Variants in NIPAL3 observed in about 807,000 individuals in gnomAD.
The protein encoded by NIPAL3 is NIPA-like protein 3.
A neutral mutation model predicts 47.2 loss-of-function variants in NIPAL3; 41 were observed. That is an observed-to-expected ratio of 0.87 (90% confidence interval 0.68 to 1.13). The LOEUF is 1.13. NIPAL3 is among the 50% of genes most tolerant of loss of function. The pLI is 0.00. For missense variants in NIPAL3, 449 were observed against 530.1 expected (o/e 0.85, Z 1.50); for synonymous variants, 194 against 209.6 (o/e 0.93, Z 0.64).
intron 2 of NIPAL3, among the ~76,000 whole-genome samples, chr1:24,428,303 A>AGAGAGG (rs1553133165): frequency 1.4e-5 from 2 of 139,488 alleles, no homozygotes; most frequent in Non-Finnish European, 3.2e-5. Context: ...AGAGAGAGAG[A>AGAGAGG]CACCAGAACC....
At chr1:24,428,497 C>G (rs1206107460) in intron 2 of NIPAL3, among the ~76,000 whole-genome samples, 1 of 152,160 alleles carries the variant, frequency 6.6e-6, no homozygotes, top group Non-Finnish European at 1.5e-5. Flanking sequence ...TGAGAAGAAT[C>G]TCAACAGACA....
intron 2 of NIPAL3, among the ~76,000 whole-genome samples, chr1:24,428,302 G>GAGAGAGAC (rs1242337378): frequency 7.1e-6 from 1 of 141,504 alleles, no homozygotes; most frequent in Admixed American, 7.1e-5. Context: ...GAGAGAGAGA[G>GAGAGAGAC]ACACCAGAAC....
Position 24,451,536 on chromosome 1 carries a change from GAA to G in NIPAL3, c.541-1863_541-1862del, listed in dbSNP as rs990849564. 6.8e-6 allele frequency among the ~76,000 whole-genome samples: 1 copy of G among 147,360 alleles called. No individual in the cohort carries two copies. Among genetic ancestry groups the G allele is most frequent in the Non-Finnish European group, 1.5e-5 (1 of 66,494 alleles). ...TGTGGCAAAACCCCGTCTCTATTTG[GAA>G]AAAAAAAAGTAAAAATTAGCCAGGT... On this transcript the variant is annotated intron_variant, in intron 6 of 11. Transcript: ENST00000374399. This position sits in a 1 kb window ranked among gnomAD's most constrained non-coding sequence, Gnocchi z 4.5.
intron 7 of NIPAL3, among the ~76,000 whole-genome samples, chr1:24,455,400 C>T (rs1281132270): frequency 6.6e-6 from 1 of 152,224 alleles, no homozygotes; most frequent in African/African-American, 2.4e-5. Context: ...AATTTTATAA[C>T]ATGCCTACCA....
chr1:24,426,504 AG>A (rs2148763087), intron 2 of NIPAL3, among the ~76,000 whole-genome samples: 1 of 152,154 alleles, frequency 6.6e-6, no homozygotes, highest in East Asian at 1.9e-4. Flanking sequence ...CATGTTGACC[AG>A]GCTGATCTTG....
intron 8 of NIPAL3, among the ~76,000 whole-genome samples, chr1:24,456,694 G>C (rs575268016): frequency 6.6e-6 from 1 of 152,314 alleles, no homozygotes; most frequent in Non-Finnish European, 1.5e-5. Context: ...AAAAAAGAAA[G>C]AAATACGAAG....
In NIPAL3 at chr1:24,466,794, CTG is replaced by C. The variant is rs1646716664; in HGVS notation, c.1022-2191_1022-2190del. The stretch of plus-strand genomic sequence containing the variant: ...AGGCCTGTTAAGCCAGCTCTCTTCC[CTG>C]AGAACGGGCACCTCCTCAGCTCTTC... On this transcript the variant is annotated intron_variant, in intron 11 of 11. Coordinates refer to ENST00000374399, the MANE Select transcript of NIPAL3 (RefSeq NM_020448.5). Among the ~76,000 whole-genome samples, 3 of 152,316 alleles carry C rather than the reference CTG, an allele frequency of 2.0e-5. No individual in the cohort carries two copies. In the East Asian group the frequency reaches 5.8e-4, roughly 29 times the overall value.
chr1:24,459,628 G>A (rs1646378434), intron 9 of NIPAL3, among the ~76,000 whole-genome samples: 1 of 152,222 alleles, frequency 6.6e-6, no homozygotes, highest in South Asian at 2.1e-4. Flanking sequence ...CCTATGCTCT[G>A]CCAACACTTA....
chr1:24,464,733 C>T (rs1299472193), intron 11 of NIPAL3: 1 of 152,180 alleles, frequency 6.6e-6, no homozygotes, highest in African/African-American at 2.4e-5. Context: ...ATTGGACCAA[C>T]CTCAGATTTG....
At chr1:24,435,993 C>T (rs1187248161) in intron 2 of NIPAL3, among the ~76,000 whole-genome samples, 4 of 152,212 alleles carry the variant, frequency 2.6e-5, no homozygotes, top group African/African-American at 4.8e-5. Flanking sequence ...TCTGTCCTCA[C>T]GTGATGGAAG....
rs1479852926 is a variant in NIPAL3 at position 24,458,983 on chromosome 1, G to C, written c.862+7G>C. On this transcript the variant is annotated splice_region_variant and intron_variant, in intron 9 of 11. Transcript: ENST00000374399. ...ACCATTGCTATCACAGCAGGTAAGGGTGACCCATTGCTAGATTTCTGTCTT... is the reference window on the plus strand; with the variant it reads ...ACCATTGCTATCACAGCAGGTAAGGCTGACCCATTGCTAGATTTCTGTCTT... 1 of 1,612,294 alleles carries C rather than the reference G, an allele frequency of 6.2e-7. No homozygotes were observed. Among genetic ancestry groups the C allele is most frequent in the East Asian group, 2.2e-5 (1 of 44,874 alleles).
Position 24,440,152 on chromosome 1 carries a change from C to T in NIPAL3, c.94-20C>T. On this transcript the variant is annotated intron_variant, in intron 2 of 11. Coordinates refer to ENST00000374399, the MANE Select transcript of NIPAL3 (RefSeq NM_020448.5). The stretch of plus-strand genomic sequence containing the variant: ...GGCTTGTGCCCAAATCATGTCCACT[C>T]CTGTGAACTTTCCTTACAGGAAAAC... 1 of 1,561,480 alleles carries T rather than the reference C, an allele frequency of 6.4e-7. No individual in the cohort carries two copies. The highest frequency in any genetic ancestry group is 1.9e-5 in the Admixed American group (1 of 52,422).
At position 24,472,904 on chromosome 1, in the gene NIPAL3, T is replaced by G. The variant is rs184124103; in HGVS notation, c.*3719T>G. ...TAACTTCACGACTTATGGCATGTCT[T>G]ATTTAAAAAAAAAAAAGTACTAGGT... On this transcript the variant is annotated 3_prime_UTR_variant, in exon 12 of 12. Coordinates refer to ENST00000374399, the MANE Select transcript of NIPAL3 (RefSeq NM_020448.5). 2 of 152,002 alleles carry G rather than the reference T, an allele frequency of 1.3e-5. No individual in the cohort carries two copies. Among genetic ancestry groups the G allele is most frequent in the African/African-American group, 4.8e-5 (2 of 41,470 alleles). The allele number at this position is 152,002 out of a possible 1,614,324, so 9.4% of individuals were successfully genotyped here. A position where few individuals can be genotyped will look rare whatever the true frequency, so the allele number is the denominator to read the frequency against.
At chr1:24,453,645 C>A in intron 7 of NIPAL3, 141 bp downstream of exon 7, 1 of 687,324 alleles carries the variant, frequency 1.5e-6, no homozygotes, top group Non-Finnish European at 2.5e-6. Flanking sequence ...CCATCAGTGG[C>A]TCTGGGGAGC....
intron 2 of NIPAL3, among the ~76,000 whole-genome samples, chr1:24,439,028 C>T (rs1156508447): frequency 2.6e-5 from 4 of 151,216 alleles, no homozygotes; most frequent in African/African-American, 4.9e-5. Flanking sequence ...ATAATAGACA[C>T]GGGGGACTCC....
At chr1:24,428,659 A>C (rs111807593) in intron 2 of NIPAL3, among the ~76,000 whole-genome samples, 101 of 152,336 alleles carry the variant, frequency 6.6e-4, no homozygotes, top group African/African-American at 2.4e-3. Flanking sequence ...GAAGGCTCCC[A>C]TGTCACATAA....
In NIPAL3 at chr1:24,442,722, GGGAGGATCGCTTGA is replaced by G. The variant is rs1645453082; in HGVS notation, c.334+499_334+512del. On this transcript the variant is annotated intron_variant, in intron 4 of 11. Coordinates refer to ENST00000374399, the MANE Select transcript of NIPAL3 (RefSeq NM_020448.5). Reference sequence around the variant, plus strand: ...TCCCAGCTACTTGGGAGGCTGAAGTGGGAGGATCGCTTGAGGCCAGGAGTTTGAGACCAGCCTGG... The same window carrying G: ...TCCCAGCTACTTGGGAGGCTGAAGTGGGCCAGGAGTTTGAGACCAGCCTGG... Among the ~76,000 whole-genome samples the G allele has an allele frequency of 3.3e-5, 5 of 152,300 alleles. No individual in the cohort carries two copies. The South Asian group carries it at 1.0e-3, about 32-fold the overall frequency.
chr1:24,458,986 A>T lies in NIPAL3; in HGVS notation c.862+10A>T. On this transcript the variant is annotated intron_variant, in intron 9 of 11. Coordinates refer to ENST00000374399, the MANE Select transcript of NIPAL3 (RefSeq NM_020448.5). ...ATTGCTATCACAGCAGGTAAGGGTG[A>T]CCCATTGCTAGATTTCTGTCTTCTA... 7 of 1,611,510 alleles carry T rather than the reference A, an allele frequency of 4.3e-6. No individual in the cohort carries two copies. The highest frequency in any genetic ancestry group is 5.9e-6 in the Non-Finnish European group (7 of 1,177,784).
At chr1:24,445,119 G>A in intron 4 of NIPAL3, 66 bp from the exon 5 acceptor site, 1 of 1,115,224 alleles carries the variant, frequency 9.0e-7, no homozygotes, top group Non-Finnish European at 1.4e-6. Context: ...CAGAGGGCAT[G>A]GGTGAAGGGA....
Sources: allele counts gnomAD v4.1 joint callset (sites outside exome capture counted in the v4.1 genomes callset), GRCh38; gene constraint gnomAD v4.1.1; non-coding constraint Gnocchi (gnomAD v3.1); transcripts MANE v1.5; gene names NCBI Gene and HGNC (gene_info 2026-07-23, HGNC 2026-07-21).